Variants in TMEM132C observed in about 807,000 individuals in gnomAD.
TMEM132C encodes the protein transmembrane protein 132C, also known as protein phosphatase 1, regulatory subunit 152.
Under a neutral mutation model 61.4 loss-of-function variants are expected in TMEM132C, and 29 were observed. The observed-to-expected ratio is 0.47, with a 90% CI of 0.35 to 0.64. The LOEUF is 0.64. Among genes scored for constraint, TMEM132C ranks in the 30% least tolerant of loss-of-function variants. The pLI is 0.00. For synonymous variants in TMEM132C, 656 were observed against 633.1 expected, an observed-to-expected ratio of 1.04 and a Z score of -0.54; for missense variants, 1,408 against 1,476.9, an observed-to-expected ratio of 0.95 and a Z score of 0.76.
chr12:128,486,876 AACACACACACACAC>A (rs56407388), intron 2 of TMEM132C, among the ~76,000 whole-genome samples: 2,949 of 131,216 alleles, frequency 0.022, 43 homozygotes, highest in South Asian at 0.037. Context: ...TGTGCATGCA[AACACACACACACAC>A]ACACACACAC....
intron 2 of TMEM132C, among the ~76,000 whole-genome samples, chr12:128,520,300 T>C (rs1049921031): frequency 2.6e-5 from 4 of 152,222 alleles, no homozygotes; most frequent in African/African-American, 7.2e-5. Context: ...GTTTTCTTCT[T>C]TCTTTTTTGA....
rs533439786 is a variant in TMEM132C at position 128,523,552 on chromosome 12, A to G, written c.975-20405A>G. 4.6e-5 allele frequency among the ~76,000 whole-genome samples: 7 copies of G among 152,280 alleles called. 1 individual carries two copies. The highest frequency in any genetic ancestry group is 2.1e-4 in the South Asian group (1 of 4,828). On this transcript the variant is annotated intron_variant, in intron 2 of 8. Transcript: ENST00000435159. ...GTTTGAATGGTGTTGCCAAGGGTCTATCTTTCTCTCCATTTCTCACGAACA... is the reference window on the plus strand; with the variant it reads ...GTTTGAATGGTGTTGCCAAGGGTCTGTCTTTCTCTCCATTTCTCACGAACA...
chr12:128,592,756 C>G (rs902724993), intron 3 of TMEM132C, among the ~76,000 whole-genome samples: 1 of 152,246 alleles, frequency 6.6e-6, no homozygotes, highest in African/African-American at 2.4e-5. Context: ...CGAGGACCCC[C>G]AGGCTCCCAG....
intron 5 of TMEM132C, among the ~76,000 whole-genome samples, chr12:128,673,491 G>A (rs1954553592): frequency 6.6e-6 from 1 of 152,228 alleles, no homozygotes; most frequent in African/African-American, 2.4e-5. Context: ...CAGGCAGGAA[G>A]CCTGCCTGAC....
At chr12:128,459,558 A>G (rs1357254351) in intron 2 of TMEM132C, among the ~76,000 whole-genome samples, 1 of 152,148 alleles carries the variant, frequency 6.6e-6, no homozygotes, top group African/African-American at 2.4e-5. Context: ...TGAAAATAAG[A>G]AAAACAGACA....
At chr12:128,287,912 T>G (rs761394429) in intron 1 of TMEM132C, among the ~76,000 whole-genome samples, 6 of 152,164 alleles carry the variant, frequency 3.9e-5, no homozygotes, top group Non-Finnish European at 5.9e-5. Flanking sequence ...ATTTGATCCG[T>G]GTTGATTTGG....
chr12:128,437,334 A>G (rs1869635496), intron 2 of TMEM132C, among the ~76,000 whole-genome samples: 1 of 152,236 alleles, frequency 6.6e-6, no homozygotes, highest in South Asian at 2.1e-4. Context: ...TTATAAATAT[A>G]AGGACATTAA....
Position 128,705,999 on chromosome 12 carries a change from C to G in TMEM132C, c.3031C>G (p.Leu1011Val). The change falls in exon 9 of 9, where the codon CTC (leucine) becomes GTC (valine). Residue 1011 changes from leucine (L) to valine (V), a missense_variant. By Grantham distance (32) the Leu-to-Val change is conservative. Transcript: ENST00000435159. Reference sequence around the variant, plus strand: ...GGGGGCCTGCGAGGAGAGCAACCATCTCCTGCTCAATGGTGGCTCCCACAA... The same window carrying G: ...GGGGGCCTGCGAGGAGAGCAACCATGTCCTGCTCAATGGTGGCTCCCACAA... ...GPGACEESNH[L>V]LLNGGSHKHV... 1 of 1,551,742 alleles carries G rather than the reference C, an allele frequency of 6.4e-7. No individual in the cohort carries two copies. Among genetic ancestry groups the G allele is most frequent in the Non-Finnish European group, 8.7e-7 (1 of 1,146,998 alleles).
At chr12:128,374,510 G>A (rs529313512) in intron 1 of TMEM132C, among the ~76,000 whole-genome samples, 5 of 152,280 alleles carry the variant, frequency 3.3e-5, no homozygotes, top group African/African-American at 7.2e-5. Flanking sequence ...ATTTGCAGAC[G>A]TGTGCCAGGC....
At chr12:128,447,187 G>A (rs917180364) in intron 2 of TMEM132C, among the ~76,000 whole-genome samples, 7 of 152,180 alleles carry the variant, frequency 4.6e-5, no homozygotes, top group South Asian at 2.1e-4. Context: ...TCCCTCCTGC[G>A]CCTGTGTCCA....
At chr12:128,608,302 G>C (rs748022824) in intron 3 of TMEM132C, among the ~76,000 whole-genome samples, 5 of 152,150 alleles carry the variant, frequency 3.3e-5, no homozygotes, top group Non-Finnish European at 2.9e-5. Flanking sequence ...GATTCTTCTA[G>C]AGGTGAAGTT....
rs1954056947 is a variant in TMEM132C, at chr12:128,630,488, GC to G, written c.1305+14158del. ...TACTCAAATATCCCCTCCTCACTAG[GC>G]CCCCTGACTAACCTGCCTAAAAGAG... On this transcript the variant is annotated intron_variant, in intron 4 of 8. Coordinates refer to ENST00000435159, the MANE Select transcript of TMEM132C (RefSeq NM_001136103.3). The surrounding 1 kb of genome is among the most constrained non-coding windows in gnomAD (Gnocchi z 4.3). Among the ~76,000 whole-genome samples the G allele has an allele frequency of 6.6e-6, 1 of 152,070 alleles. No homozygotes were observed. The highest frequency in any genetic ancestry group is 1.5e-5 in the Non-Finnish European group (1 of 68,022).
At chr12:128,699,261 A>G (rs1414294235) in intron 8 of TMEM132C, among the ~76,000 whole-genome samples, 4 of 152,198 alleles carry the variant, frequency 2.6e-5, no homozygotes, top group African/African-American at 9.7e-5. Context: ...TAGTAGCTGA[A>G]AATGGCACGC....
At position 128,494,809 on chromosome 12, in the gene TMEM132C, G is replaced by T. The variant is rs1871882505; in HGVS notation, c.975-49148G>T. 3.3e-5 allele frequency among the ~76,000 whole-genome samples: 5 copies of T among 151,824 alleles called. No individual in the cohort carries two copies. In the South Asian group the frequency reaches 1.0e-3, roughly 32 times the overall value. ...TCAAAAAACCACCTCCTGGATTCAT[G>T]GATTTTTTGAAGGGTTTTTTGTGTC... On this transcript the variant is annotated intron_variant, in intron 2 of 8. Coordinates refer to ENST00000435159, the MANE Select transcript of TMEM132C (RefSeq NM_001136103.3).
chr12:128,675,834 ATAGAAGAT>A (rs1199125550), intron 5 of TMEM132C, among the ~76,000 whole-genome samples: 2 of 146,014 alleles, frequency 1.4e-5, no homozygotes, highest in African/African-American at 5.1e-5. Flanking sequence ...ATTTAGATAG[ATAGAAGAT>A]AGATAGATAG....
At chr12:128,526,367 C>T (rs1873086846) in intron 2 of TMEM132C, among the ~76,000 whole-genome samples, 2 of 152,200 alleles carry the variant, frequency 1.3e-5, no homozygotes, top group African/African-American at 2.4e-5. Context: ...GCTGCCTTCT[C>T]TGTGTCTTCA....
At chr12:128,411,294 G>A (rs61939980) in intron 1 of TMEM132C, among the ~76,000 whole-genome samples, 5 of 152,076 alleles carry the variant, frequency 3.3e-5, no homozygotes, top group Non-Finnish European at 5.9e-5. Context: ...AACCCTCACC[G>A]GATAGTTTTA....
At chr12:128,674,996 G>C (rs1954569628) in intron 5 of TMEM132C, among the ~76,000 whole-genome samples, 1 of 151,728 alleles carries the variant, frequency 6.6e-6, no homozygotes. Context: ...GTGTGTAGAT[G>C]GGACAGTACC....
intron 3 of TMEM132C, among the ~76,000 whole-genome samples, chr12:128,560,798 T>C (rs1874481867): frequency 6.6e-6 from 1 of 152,210 alleles, no homozygotes; most frequent in Non-Finnish European, 1.5e-5. Flanking sequence ...TGTAACAATA[T>C]GTTGAGTTAT....
Sources: allele counts gnomAD v4.1 joint callset (sites outside exome capture counted in the v4.1 genomes callset), GRCh38; gene constraint gnomAD v4.1.1; non-coding constraint Gnocchi (gnomAD v3.1); transcripts MANE v1.5; gene names NCBI Gene and HGNC (gene_info 2026-07-23, HGNC 2026-07-21).